The following EFHC2 variants were observed in gnomAD, a reference collection of about 807,000 sequenced individuals.
EFHC2 encodes the protein EF-hand domain-containing family member C2.
A neutral mutation model predicts 52.7 loss-of-function variants in EFHC2; 18 were observed. The ratio of observed to expected loss-of-function variants is 0.34; its 90% CI spans 0.24 to 0.51. The LOEUF is 0.51. EFHC2 is among the 20% of genes least tolerant of loss of function. The pLI, the probability that EFHC2 is intolerant of heterozygous loss-of-function variation, is 0.97. For missense variants in EFHC2, 513 were observed against 562.5 expected (o/e 0.91, Z 0.89); for synonymous variants, 203 against 204.1 (o/e 0.99, Z 0.04).
At chrX:44,180,506 C>T (rs949561741) in intron 11 of EFHC2, among the ~76,000 whole-genome samples, 1 of 111,846 alleles carries the variant, frequency 8.9e-6, no homozygotes, top group African/African-American at 3.3e-5. Context: ...CTTAGGGAGG[C>T]CAAGATGGGC....
At chrX:44,241,167 G>C (rs1473479786) in intron 8 of EFHC2, among the ~76,000 whole-genome samples, 4 of 111,075 alleles carry the variant, frequency 3.6e-5, no homozygotes, top group Non-Finnish European at 5.7e-5. Context: ...CCCTCACACA[G>C]GACTGTAACC....
intron 7 of EFHC2, among the ~76,000 whole-genome samples, chrX:44,247,482 C>T (rs1028127930): frequency 2.7e-5 from 3 of 111,737 alleles, no homozygotes; most frequent in Non-Finnish European, 5.6e-5. Flanking sequence ...TACCCACTAT[C>T]CCAACTCCAG....
chrX:44,272,357 G>A (rs2037623732), intron 3 of EFHC2, among the ~76,000 whole-genome samples: 1 of 112,133 alleles, frequency 8.9e-6, no homozygotes, highest in African/African-American at 3.2e-5. Flanking sequence ...GTGTTGTGAA[G>A]GAAGTGATCT....
chrX:44,205,415 TAA>T (rs201911623), intron 11 of EFHC2, among the ~76,000 whole-genome samples: 2 of 102,103 alleles, frequency 2.0e-5, no homozygotes. Context: ...CAAATTAGAT[TAA>T]AAAAAAAAAA....
At chrX:44,161,753 A>G (rs1043220538) in intron 14 of EFHC2, among the ~76,000 whole-genome samples, 11 of 112,009 alleles carry the variant, frequency 9.8e-5, no homozygotes, top group African/African-American at 3.6e-4. Context: ...AATCCCATCT[A>G]CCATGTTTCT....
chrX:44,321,116 C>G (rs1406416393), intron 1 of EFHC2, among the ~76,000 whole-genome samples: 2 of 111,486 alleles, frequency 1.8e-5, no homozygotes, highest in African/African-American at 6.5e-5. Flanking sequence ...CTGTATGTAT[C>G]TTGAAGGTAG....
chrX:44,244,138 T>C (rs2037381799), intron 7 of EFHC2, among the ~76,000 whole-genome samples: 1 of 112,224 alleles, frequency 8.9e-6, no homozygotes, highest in Non-Finnish European at 1.9e-5. Context: ...TTCTCAACCA[T>C]ATAATTTTTG....
At chrX:44,232,745 G>A (rs1178703371) in intron 9 of EFHC2, 68 bp from the exon 10 acceptor site, 10 of 1,011,389 alleles carry the variant, frequency 9.9e-6, no homozygotes, top group Non-Finnish European at 1.1e-5. Context: ...TGCCTTCAGA[G>A]TTACTTTATC....
intron 13 of EFHC2, among the ~76,000 whole-genome samples, chrX:44,166,396 G>A (rs757474791): frequency 3.6e-5 from 4 of 111,583 alleles, no homozygotes; most frequent in Non-Finnish European, 7.5e-5. Flanking sequence ...CAATGGAGCT[G>A]CCCTAACTGA....
chrX:44,156,519 CA>C (rs1319600624), intron 14 of EFHC2, among the ~76,000 whole-genome samples: 1 of 111,530 alleles, frequency 9.0e-6, no homozygotes, highest in African/African-American at 3.3e-5. Flanking sequence ...AGGAGAGTCT[CA>C]ACAAGGCGGG....
intron 2 of EFHC2, among the ~76,000 whole-genome samples, chrX:44,275,961 T>C (rs1180213882): frequency 9.3e-6 from 1 of 107,417 alleles, no homozygotes; most frequent in Non-Finnish European, 1.9e-5. Flanking sequence ...GAGGATGTAA[T>C]TGGCTGCAAT....
chrX:44,326,717 A>ATTTTT (rs773265380), intron 1 of EFHC2, among the ~76,000 whole-genome samples: 4 of 45,053 alleles, frequency 8.9e-5, no homozygotes, highest in Admixed American at 3.2e-4. Context: ...ATGGAGTCTG[A>ATTTTT]TTTTTTTTTT....
intron 11 of EFHC2, among the ~76,000 whole-genome samples, chrX:44,215,529 TGG>T (rs375720323): frequency 5.8e-4 from 43 of 73,691 alleles, no homozygotes; most frequent in African/African-American, 1.8e-3. Context: ...ATACTTCCAT[TGG>T]GGGGGGGTGG....
chrX:44,307,457 T>C (rs1323481294), intron 2 of EFHC2, among the ~76,000 whole-genome samples: 4 of 111,622 alleles, frequency 3.6e-5, no homozygotes, highest in Non-Finnish European at 5.6e-5. Context: ...AAATGTATTA[T>C]ATTACAGAGA....
intron 2 of EFHC2, among the ~76,000 whole-genome samples, chrX:44,275,050 T>C (rs1393602424): frequency 9.0e-6 from 1 of 111,429 alleles, no homozygotes; most frequent in Non-Finnish European, 1.9e-5. Flanking sequence ...GAGAGAATAT[T>C]CTTGGCTGTC....
intron 1 of EFHC2, among the ~76,000 whole-genome samples, chrX:44,313,549 T>G (rs2037963519): frequency 8.9e-6 from 1 of 112,323 alleles, no homozygotes; most frequent in Admixed American, 9.5e-5. Flanking sequence ...TAGCATTGTT[T>G]GCAAAAGTGA....
At chrX:44,178,093 T>C (rs1308028159) in intron 12 of EFHC2, among the ~76,000 whole-genome samples, 3 of 105,471 alleles carry the variant, frequency 2.8e-5, no homozygotes, top group African/African-American at 1.1e-4. Context: ...GTTGCGCCAC[T>C]GCACTCTAGC....
At chrX:44,255,316 G>C (rs778038829) in intron 4 of EFHC2, among the ~76,000 whole-genome samples, 2 of 111,596 alleles carry the variant, frequency 1.8e-5, no homozygotes, top group Non-Finnish European at 3.8e-5. Flanking sequence ...CCAATTAAAA[G>C]ACACAGACTG....
At chrX:44,149,213 A>C (rs1033157520) in intron 14 of EFHC2, among the ~76,000 whole-genome samples, 3 of 112,310 alleles carry the variant, frequency 2.7e-5, no homozygotes, top group Admixed American at 9.4e-5. Context: ...TATCATGGAC[A>C]GAGGCTCTAG....
Sources: gnomAD v4.1 joint callset for allele counts (sites outside exome capture counted in the v4.1 genomes callset) on GRCh38, gnomAD v4.1.1 for gene constraint, MANE v1.5 for transcripts, NCBI Gene and HGNC (gene_info 2026-07-23, HGNC 2026-07-21) for gene names.